Variants in IL20RA observed in about 807,000 individuals in gnomAD.
IL20RA encodes interleukin 20 receptor subunit alpha.
A neutral mutation model predicts 36.5 loss-of-function variants in IL20RA; 29 were observed. That is an observed-to-expected ratio of 0.79 (90% CI 0.59 to 1.08). The LOEUF (loss-of-function observed/expected upper bound fraction) is 1.08, where lower values mean the gene tolerates loss of function less well. Ranked by LOEUF, IL20RA falls within the 50% of genes least tolerant of loss-of-function variation. IL20RA has a pLI of 0.00. For synonymous variants in IL20RA, 279 were observed against 267.1 expected, an observed-to-expected ratio of 1.04 and a Z score of -0.43; for missense variants, 652 against 668.4, an observed-to-expected ratio of 0.98 and a Z score of 0.27.
chr6:137,004,159 C>CGTGTTTTTTTTTT (rs531501235), intron 6 of IL20RA, among the ~76,000 whole-genome samples: 9 of 88,016 alleles, frequency 1.0e-4, no homozygotes, highest in African/African-American at 5.0e-4. Flanking sequence ...ATCCAGAAAG[C>CGTGTTTTTTTTTT]TTTTTTTTTT....
Position 137,044,936 on chromosome 6 carries a change from A to T in IL20RA, c.-208T>A. On this transcript the variant is annotated 5_prime_UTR_variant, in exon 1 of 7. Coordinates refer to ENST00000316649, the MANE Select transcript of IL20RA (RefSeq NM_014432.4). ...AGGGCGAGCGACTCGCGGAGCCCCC[A>T]CGCGCGCTCCCCCGGCTACCCAGCT... 1 of 367,930 alleles carries T rather than the reference A, an allele frequency of 2.7e-6. No individual in the cohort carries two copies. Among genetic ancestry groups the T allele is most frequent in the Non-Finnish European group, 4.6e-6 (1 of 216,938 alleles). The allele number at this position is 367,930 out of a possible 1,614,324, so 22.8% of individuals were successfully genotyped here.
intron 1 of IL20RA, among the ~76,000 whole-genome samples, chr6:137,018,125 C>A (rs1033524191): frequency 4.6e-5 from 7 of 152,086 alleles, no homozygotes; most frequent in African/African-American, 1.7e-4. Flanking sequence ...TACTGCCAAT[C>A]AAACTTAGGA....
chr6:137,010,235 A>C (rs1775436419), intron 3 of IL20RA, among the ~76,000 whole-genome samples: 1 of 152,244 alleles, frequency 6.6e-6, no homozygotes, highest in South Asian at 2.1e-4. Context: ...AGGTCTGGAC[A>C]GTAAATATTT....
intron 1 of IL20RA, 59 bp from the exon 2 acceptor site, chr6:137,017,162 C>T (rs1414045394): frequency 7.1e-7 from 1 of 1,418,236 alleles, no homozygotes; most frequent in Non-Finnish European, 9.9e-7. Context: ...AACATGATTC[C>T]TGTAGCAGCT....
intron 5 of IL20RA, among the ~76,000 whole-genome samples, 178 bp from the exon 6 acceptor site, chr6:137,004,938 A>T (rs1397531295): frequency 6.6e-6 from 1 of 152,214 alleles, no homozygotes; most frequent in Non-Finnish European, 1.5e-5. Flanking sequence ...AAGCGGTCTC[A>T]GAATTCTTAC....
intron 6 of IL20RA, among the ~76,000 whole-genome samples, chr6:137,002,614 G>A (rs1233191335): frequency 3.3e-5 from 5 of 152,222 alleles, no homozygotes; most frequent in East Asian, 1.9e-4. Context: ...GGGCTGGGGC[G>A]TTGGTGCCCC....
intron 3 of IL20RA, among the ~76,000 whole-genome samples, chr6:137,010,058 T>G (rs1775431598): frequency 6.6e-6 from 1 of 152,244 alleles, no homozygotes. Flanking sequence ...TTCTGTTTCC[T>G]TAGTCACATG....
intron 1 of IL20RA, chr6:137,044,361 T>A: frequency 6.2e-6 from 6 of 967,988 alleles, no homozygotes; most frequent in East Asian, 7.5e-5. Context: ...CCCACCGAAC[T>A]CCCCCCACCC....
chr6:137,009,958 G>A (rs137875834), intron 3 of IL20RA, among the ~76,000 whole-genome samples: 1 of 152,124 alleles, frequency 6.6e-6, no homozygotes, highest in Non-Finnish European at 1.5e-5. Context: ...GTGGGCCTGA[G>A]ATATGCCAGA....
intron 1 of IL20RA, among the ~76,000 whole-genome samples, chr6:137,022,411 T>A (rs1775936611): frequency 6.6e-6 from 1 of 152,326 alleles, no homozygotes; most frequent in South Asian, 2.1e-4. Flanking sequence ...TTCTATTAAT[T>A]TGAAACCACA....
intron 1 of IL20RA, chr6:137,044,139 T>C (rs1776810554): frequency 2.0e-6 from 2 of 985,564 alleles, no homozygotes; most frequent in Non-Finnish European, 2.4e-6. Context: ...GGGCTGACCC[T>C]TTCGGGGAGT....
At chr6:137,008,865 CTTTT>C (rs3041890) in intron 4 of IL20RA, 122 bp from the exon 5 acceptor site, 246 of 141,834 alleles carry the variant, frequency 1.7e-3, no homozygotes, top group Non-Finnish European at 2.1e-3. Flanking sequence ...TCAGTATAAG[CTTTT>C]TTTTTTTTTT....
At chr6:137,036,292 T>A (rs1353604425) in intron 1 of IL20RA, among the ~76,000 whole-genome samples, 3 of 152,198 alleles carry the variant, frequency 2.0e-5, no homozygotes, top group Admixed American at 6.5e-5. Flanking sequence ...CTTGGTATTC[T>A]ATAAGTCTTT....
intron 2 of IL20RA, among the ~76,000 whole-genome samples, chr6:137,013,676 G>C (rs1004687567): frequency 6.6e-6 from 1 of 152,136 alleles, no homozygotes; most frequent in African/African-American, 2.4e-5. Context: ...TTGGTGGATA[G>C]AATTTAAACT....
intron 1 of IL20RA, among the ~76,000 whole-genome samples, chr6:137,022,027 T>C (rs569972257): frequency 1.3e-4 from 20 of 152,160 alleles, no homozygotes; most frequent in Non-Finnish European, 2.2e-4. Context: ...GAACCCATAC[T>C]CTTAACCTCC....
intron 1 of IL20RA, chr6:137,044,250 G>A (rs1238911936): frequency 1.0e-6 from 1 of 991,254 alleles, no homozygotes; most frequent in Admixed American, 6.1e-5. Flanking sequence ...CGCGGCCGCG[G>A]CGGTGGTGGC....
chr6:137,022,547 A>T (rs904948123), intron 1 of IL20RA, among the ~76,000 whole-genome samples: 5 of 152,242 alleles, frequency 3.3e-5, no homozygotes, highest in Non-Finnish European at 5.9e-5. Flanking sequence ...TTCGACACTC[A>T]TCTGATTCAG....
rs145788383 is a variant in IL20RA at position 137,015,296 on chromosome 6, C to A, written c.224+1672G>T. Among the ~76,000 whole-genome samples, 201 of 152,204 alleles carry A rather than the reference C, an allele frequency of 1.3e-3. 2 individuals are homozygous for A. Among genetic ancestry groups the A allele is most frequent in the African/African-American group, 4.2e-3 (174 of 41,534 alleles). ...TTGATACAGTATTTTTATATTCCAG[C>A]ATTTTCCTAAGCTCTGCACACTTCC... On this transcript the variant is annotated intron_variant, in intron 2 of 6. Transcript: ENST00000316649.
intron 1 of IL20RA, among the ~76,000 whole-genome samples, chr6:137,024,462 T>C (rs1776015073): frequency 6.6e-6 from 1 of 152,252 alleles, no homozygotes; most frequent in Admixed American, 6.5e-5. Flanking sequence ...TTCTCTGAGA[T>C]ATTTGAGATT....
Sources: allele counts gnomAD v4.1 joint callset (sites outside exome capture counted in the v4.1 genomes callset), GRCh38; gene constraint gnomAD v4.1.1; transcripts MANE v1.5; gene names NCBI Gene and HGNC (gene_info 2026-07-23, HGNC 2026-07-21).